DAB2: variants seen among roughly 807,000 people sequenced by gnomAD.
DAB2 encodes the protein DAB adaptor protein 2, also known as disabled homolog 2.
DAB2 carries 28 observed loss-of-function variants against 71.6 expected under a neutral mutation model. The ratio of observed to expected loss-of-function variants is 0.39; its 90% CI spans 0.29 to 0.54. The LOEUF is 0.54. DAB2 is among the 20% of genes least tolerant of loss of function. The pLI is 0.68. For synonymous variants in DAB2, 345 were observed against 339.7 expected, an observed-to-expected ratio of 1.02 and a Z score of -0.17; for missense variants, 867 against 928.8, an observed-to-expected ratio of 0.93 and a Z score of 0.86.
intron 4 of DAB2, among the ~76,000 whole-genome samples, chr5:39,391,449 TAAAG>T (rs972665286): frequency 3.9e-5 from 6 of 152,042 alleles, no homozygotes; most frequent in African/African-American, 9.7e-5. Flanking sequence ...AGGCGACTGA[TAAAG>T]AGAGTGGTGC....
At chr5:39,381,693 C>A in intron 10 of DAB2, 77 bp from the exon 11 acceptor site, 1 of 1,500,296 alleles carries the variant, frequency 6.7e-7, no homozygotes, top group South Asian at 1.3e-5. Context: ...GTCTCCTACC[C>A]TATACCCCAA....
intron 1 of DAB2, among the ~76,000 whole-genome samples, chr5:39,406,368 A>T (rs1019687731): frequency 6.6e-6 from 1 of 152,142 alleles, no homozygotes; most frequent in African/African-American, 2.4e-5. Flanking sequence ...AGCACTTCCC[A>T]TACCTGGAGA....
intron 9 of DAB2, 71 bp from the exon 10 acceptor site, chr5:39,383,342 A>C: frequency 8.4e-7 from 1 of 1,190,438 alleles, no homozygotes; most frequent in Non-Finnish European, 1.2e-6. Context: ...AAAATTACAT[A>C]AGATGACTAG....
At position 39,388,650 on chromosome 5, in the gene DAB2, T is replaced by C. The variant is rs1755152868; in HGVS notation, c.624+149A>G. 7.4e-6 allele frequency: 5 copies of C among 677,734 alleles called. No individual in the cohort carries two copies. In the Admixed American group the frequency reaches 1.2e-4, roughly 16 times the overall value. The allele number at this position is 677,734 out of a possible 1,614,324, so 42.0% of individuals were successfully genotyped here. ...TTTTGACTACTTTTGTATATTGACA[T>C]AGATGTTACACTAATATTTTGAAAA... is the stretch of plus-strand genomic sequence containing the variant. On this transcript the variant is annotated intron_variant, in intron 8 of 14. Transcript: ENST00000320816.
chr5:39,383,011 A>T lies in DAB2; in HGVS notation c.948T>A (p.Ser316=), dbSNP rs766470766. 3 of 1,614,106 alleles carry T rather than the reference A, an allele frequency of 1.9e-6. No individual in the cohort carries two copies. Among genetic ancestry groups the T allele is most frequent in the Admixed American group, 3.3e-5 (2 of 60,016 alleles). The part of the protein sequence containing the change: ...STPSSFDSLK[S]PDQKKENSSS... Reference sequence around the variant, plus strand: ...TCGAATTCTCTTTCTTCTGATCTGGAGATTTGAGAGAATCAAACGAAGAAG... The same window carrying T: ...TCGAATTCTCTTTCTTCTGATCTGGTGATTTGAGAGAATCAAACGAAGAAG... Residue 316 remains serine (S), a synonymous_variant, in exon 10 of 15, where the codon TCT becomes TCA. Transcript: ENST00000320816.
chr5:39,394,537 C>A (rs970767978), intron 1 of DAB2, 116 bp from the exon 2 acceptor site: 5 of 556,148 alleles, frequency 9.0e-6, no homozygotes, highest in African/African-American at 7.6e-5. Flanking sequence ...TCATTTTGTT[C>A]CTTCTCCTGC....
chr5:39,410,282 G>A (rs1327476541), intron 1 of DAB2, among the ~76,000 whole-genome samples: 3 of 152,076 alleles, frequency 2.0e-5, no homozygotes, highest in Non-Finnish European at 2.9e-5. Context: ...AACCATTTTG[G>A]TATTAACAAA....
chr5:39,421,409 C>T (rs766383596), intron 1 of DAB2, among the ~76,000 whole-genome samples: 1 of 152,086 alleles, frequency 6.6e-6, no homozygotes, highest in Admixed American at 6.5e-5. Flanking sequence ...GGGGTAGGTA[C>T]TATTATTCTC....
At chr5:39,380,227 C>T (rs987364839) in intron 11 of DAB2, among the ~76,000 whole-genome samples, 5 of 152,156 alleles carry the variant, frequency 3.3e-5, no homozygotes, top group African/African-American at 1.2e-4. Context: ...GAGCAGAGAC[C>T]TGGGACAAGC....
chr5:39,387,573 A>T (rs576180116), intron 9 of DAB2: 1 of 152,316 alleles, frequency 6.6e-6, no homozygotes, highest in South Asian at 2.1e-4. Flanking sequence ...TTACATAAAT[A>T]AAAGAAGTTG....
intron 11 of DAB2, among the ~76,000 whole-genome samples, chr5:39,378,752 G>T (rs928253597): frequency 6.6e-6 from 1 of 152,204 alleles, no homozygotes; most frequent in African/African-American, 2.4e-5. Context: ...TGAAAATCAG[G>T]CACACTGGCT....
intron 9 of DAB2, 48 bp downstream of exon 9, chr5:39,388,257 T>C (rs1349232335): frequency 7.4e-7 from 1 of 1,356,792 alleles, no homozygotes; most frequent in Non-Finnish European, 1.0e-6. Context: ...CCAATTTGAG[T>C]TATAGATGTC....
chr5:39,408,149 G>A (rs1222576496), intron 1 of DAB2, among the ~76,000 whole-genome samples: 10 of 152,212 alleles, frequency 6.6e-5, no homozygotes, highest in African/African-American at 2.4e-4. Context: ...TTTGAAGGAA[G>A]AAGAATCCAG....
chr5:39,410,846 G>A (rs1755710905), intron 1 of DAB2, among the ~76,000 whole-genome samples: 1 of 151,712 alleles, frequency 6.6e-6, no homozygotes, highest in African/African-American at 2.4e-5. Flanking sequence ...CTAGTTTGCA[G>A]AGTATTGGCT....
In DAB2 at chr5:39,388,324, G is replaced by A. The variant is rs1379576116; in HGVS notation, c.668C>T (p.Pro223Leu). 4 of 1,612,278 alleles carry A rather than the reference G, an allele frequency of 2.5e-6. No homozygotes were observed. In the African/African-American group the frequency reaches 5.3e-5, roughly 22 times the overall value. Residue 223 changes from proline to leucine, a missense_variant, in exon 9 of 15, where the codon CCT (proline) becomes CTT (leucine). Pro to Leu is a moderately conservative substitution (Grantham distance 98). Coordinates refer to ENST00000320816, the MANE Select transcript of DAB2 (RefSeq NM_001343.4). Reference protein sequence around the residue: ...MDLFGDMSTPPDLNSPTESKD... With the variant: ...MDLFGDMSTPLDLNSPTESKD... ...ACTTACTGTTGGACTATTTAGGTCA[G>A]GAGGTGTAGACATGTCCCCAAACAA...
chr5:39,382,058 TA>T (rs535233127), intron 10 of DAB2, among the ~76,000 whole-genome samples: 2 of 152,224 alleles, frequency 1.3e-5, no homozygotes, highest in South Asian at 2.1e-4. Context: ...TTAGGAGAGG[TA>T]AAAAAAGACA....
Sources: gnomAD v4.1 joint callset for allele counts (sites outside exome capture counted in the v4.1 genomes callset) on GRCh38, gnomAD v4.1.1 for gene constraint, MANE v1.5 for transcripts, NCBI Gene and HGNC (gene_info 2026-07-23, HGNC 2026-07-21) for gene names.